The following PCDH17 variants were observed in gnomAD, a reference collection of about 807,000 sequenced individuals.
PCDH17 encodes protocadherin-17.
In PCDH17, 21 loss-of-function variants were observed where a neutral mutation model predicts 67.7. That is an observed-to-expected ratio of 0.31 (90% CI 0.22 to 0.45). The LOEUF (loss-of-function observed/expected upper bound fraction) is 0.45, where lower values mean the gene tolerates loss of function less well. Among genes scored for constraint, PCDH17 ranks in the 20% least tolerant of loss-of-function variants. PCDH17 has a pLI of 1.00. For synonymous variants in PCDH17, 701 were observed against 656.7 expected (o/e 1.07, Z -1.03); for missense variants, 1,471 against 1,564.8 (o/e 0.94, Z 1.01).
chr13:57,653,476 G>C (rs1955066278), intron 1 of PCDH17, among the ~76,000 whole-genome samples: 1 of 152,038 alleles, frequency 6.6e-6, no homozygotes, highest in African/African-American at 2.4e-5. Context: ...TGCAAAATTT[G>C]AGTCAAAAGA....
chr13:57,723,518 T>C (rs1284979487), intron 3 of PCDH17, among the ~76,000 whole-genome samples: 8 of 152,094 alleles, frequency 5.3e-5, no homozygotes. Flanking sequence ...CTAGCACCAA[T>C]TAAATGGCAA....
chr13:57,710,690 A>C (rs759788957), intron 3 of PCDH17, among the ~76,000 whole-genome samples: 103 of 152,064 alleles, frequency 6.8e-4, no homozygotes, highest in Middle Eastern at 3.4e-3. Flanking sequence ...TTTAATCACT[A>C]CTTAAGAAAA....
At chr13:57,706,730 C>G (rs1222394180) in intron 3 of PCDH17, among the ~76,000 whole-genome samples, 1 of 152,120 alleles carries the variant, frequency 6.6e-6, no homozygotes, top group African/African-American at 2.4e-5. Context: ...AGAGAGTTCT[C>G]TATAGATCCT....
chr13:57,718,942 A>AG (rs1425079408), intron 3 of PCDH17, among the ~76,000 whole-genome samples: 1 of 152,048 alleles, frequency 6.6e-6, no homozygotes, highest in East Asian at 1.9e-4. Flanking sequence ...ATGAACTGCC[A>AG]GCCAAAGGTC....
upstream of PCDH17, among the ~76,000 whole-genome samples, chr13:57,630,136 A>T (rs950801225): frequency 6.6e-6 from 1 of 152,222 alleles, no homozygotes; most frequent in Non-Finnish European, 1.5e-5. Flanking sequence ...GGGAGAGAGC[A>T]GGGATCGCGA....
In PCDH17 at chr13:57,679,843, G is replaced by A. The variant is rs142653584; in HGVS notation, c.2797+13010G>A. Among the ~76,000 whole-genome samples, 316 of 151,548 alleles carry A rather than the reference G, an allele frequency of 2.1e-3. 3 individuals are homozygous for A. The highest frequency in any genetic ancestry group is 7.0e-3 in the African/African-American group (291 of 41,458). On this transcript the variant is annotated intron_variant, in intron 3 of 3. Coordinates refer to ENST00000377918, the MANE Select transcript of PCDH17 (RefSeq NM_001040429.3). The stretch of plus-strand genomic sequence containing the variant: ...CAGAATAACTTCATGATGTATGCAA[G>A]CATTACTGCACTCTGTTAGAAAACA...
upstream of PCDH17, among the ~76,000 whole-genome samples, chr13:57,631,002 G>A (rs969239938): frequency 6.6e-6 from 1 of 152,052 alleles, no homozygotes; most frequent in Admixed American, 6.5e-5. Context: ...TGGCTGGACC[G>A]CCGCGGCCGC....
chr13:57,710,323 A>G (rs551147331), intron 3 of PCDH17, among the ~76,000 whole-genome samples: 2 of 151,860 alleles, frequency 1.3e-5, no homozygotes, highest in Admixed American at 6.6e-5. Context: ...AGGCTTCTTT[A>G]CACAATACTT....
rs1954735722 is a variant in PCDH17 at position 57,632,298 on chromosome 13, G to GC, written c.-245dup. 9.0e-6 allele frequency: 5 copies of GC among 552,682 alleles called. No individual in the cohort carries two copies. The South Asian group carries it at 1.2e-4, about 13-fold the overall frequency. 34.2% of individuals were successfully genotyped at this position (552,682 alleles called of 1,614,324 possible). On this transcript the variant is annotated 5_prime_UTR_variant, in exon 1 of 4. Coordinates refer to ENST00000377918, the MANE Select transcript of PCDH17 (RefSeq NM_001040429.3). ...GCAGGAAGCCACCGCCTTGCTCCAA[G>GC]CCCCTGCAGCTCTGCTGCACCGCAG... is the stretch of plus-strand genomic sequence containing the variant.
intron 3 of PCDH17, among the ~76,000 whole-genome samples, chr13:57,698,813 C>T (rs1261585665): frequency 1.3e-5 from 2 of 151,804 alleles, no homozygotes; most frequent in Non-Finnish European, 2.9e-5. Flanking sequence ...GTCACCTTAA[C>T]ATTAGGTAGC....
chr13:57,692,782 C>T (rs1754504868), intron 3 of PCDH17, among the ~76,000 whole-genome samples: 1 of 150,998 alleles, frequency 6.6e-6, no homozygotes, highest in South Asian at 2.1e-4. Flanking sequence ...CCCAACTCAG[C>T]TTATAAACAT....
At chr13:57,673,888 G>A (rs778801839) in intron 3 of PCDH17, among the ~76,000 whole-genome samples, 1 of 120,736 alleles carries the variant, frequency 8.3e-6, no homozygotes, top group Admixed American at 7.4e-5. Context: ...AATTCATCTC[G>A]GTTTATGTTT....
At chr13:57,689,324 T>G (rs551707314) in intron 3 of PCDH17, among the ~76,000 whole-genome samples, 1 of 151,958 alleles carries the variant, frequency 6.6e-6, no homozygotes, top group African/African-American at 2.4e-5. Flanking sequence ...TTCCTACTTG[T>G]CTGGCATATT....
chr13:57,632,803 C>G lies in PCDH17; in HGVS notation c.257C>G (p.Thr86Ser), dbSNP rs750804366. 1.2e-6 allele frequency: 2 copies of G among 1,613,564 alleles called. No homozygotes were observed. The highest frequency in any genetic ancestry group is 1.7e-5 in the Admixed American group (1 of 60,008). The change falls in exon 1 of 4, where the codon ACC (threonine) becomes AGC (serine). Residue 86 changes from threonine to serine, a missense_variant. Physicochemically the swap from Thr to Ser is moderately conservative, Grantham distance 58 (BLOSUM62 1). Transcript: ENST00000377918. ...GACGCAGACAGCGGGCTCCTCTACA[C>G]CAAGCAGCGCATCGACCGCGAGTCC... ...DVDADSGLLY[T>S]KQRIDRESLC...
chr13:57,725,868 A>G lies in PCDH17; in HGVS notation c.*574A>G, dbSNP rs1955912867. On this transcript the variant is annotated 3_prime_UTR_variant, in exon 4 of 4. Coordinates refer to ENST00000377918, the MANE Select transcript of PCDH17 (RefSeq NM_001040429.3). ...TTCTGTATAAAGTTACCTGACACAC[A>G]TATAAACACAAGGAACATTCCATAT... 6.5e-6 allele frequency: 1 copy of G among 152,684 alleles called. No individual in the cohort carries two copies. Among genetic ancestry groups the G allele is most frequent in the South Asian group, 2.1e-4 (1 of 4,830 alleles). 9.5% of individuals were successfully genotyped at this position (152,684 alleles called of 1,614,324 possible).
chr13:57,679,829 C>T (rs1190187466), intron 3 of PCDH17, among the ~76,000 whole-genome samples: 2 of 151,430 alleles, frequency 1.3e-5, no homozygotes, highest in African/African-American at 4.8e-5. Flanking sequence ...AGAATAACTT[C>T]ATGATGTATG....
In PCDH17 at chr13:57,632,706, G is replaced by A; in HGVS notation, c.160G>A (p.Gly54Ser). Residue 54 changes from glycine to serine, a missense_variant, in exon 1 of 4, where the codon GGC becomes AGC. Physicochemically the swap from Gly to Ser is moderately conservative, Grantham distance 56. Around this residue, in one of 3 missense-constraint regions of PCDH17, gnomAD observed 1,163 missense variants for 1,230.0 expected, o/e 0.95. Coordinates refer to ENST00000377918, the MANE Select transcript of PCDH17 (RefSeq NM_001040429.3). ...GCCTGGGCTTCCGCCTGCAGAGCGCGGCGGCGGAGGGCGCAGCAAGTCGGG... is the reference window on the plus strand; with the variant it reads ...GCCTGGGCTTCCGCCTGCAGAGCGCAGCGGCGGAGGGCGCAGCAAGTCGGG... ...LQPGLPPAER[G>S]GGGRSKSGSY... The A allele has an allele frequency of 6.2e-7, 1 of 1,611,370 alleles. No homozygotes were observed.
At chr13:57,670,333 C>A (rs1184594838) in intron 3 of PCDH17, among the ~76,000 whole-genome samples, 1 of 151,488 alleles carries the variant, frequency 6.6e-6, no homozygotes, top group African/African-American at 2.4e-5. Flanking sequence ...CAGCCATATC[C>A]AAATAATTAT....
chr13:57,661,794 C>T (rs1014293651), intron 1 of PCDH17, among the ~76,000 whole-genome samples: 12 of 152,078 alleles, frequency 7.9e-5, no homozygotes, highest in African/African-American at 2.9e-4. Flanking sequence ...TCTTCTGTTC[C>T]ATTGTCATAT....
Sources: gnomAD v4.1 joint callset for allele counts (sites outside exome capture counted in the v4.1 genomes callset) on GRCh38, gnomAD v4.1.1 for gene constraint, gnomAD v4.1.1 regional missense constraint, MANE v1.5 for transcripts, NCBI Gene and HGNC (gene_info 2026-07-23, HGNC 2026-07-21) for gene names.